DIP2A: variants seen among roughly 807,000 people sequenced by gnomAD.
The protein encoded by DIP2A is DIP2 acetate--CoA ligase A.
A neutral mutation model predicts 177.4 loss-of-function variants in DIP2A; 85 were observed. The ratio of observed to expected loss-of-function variants is 0.48; its 90% CI spans 0.40 to 0.57. The LOEUF is 0.57. Ranked by LOEUF, DIP2A falls within the 20% of genes least tolerant of loss-of-function variation. The pLI is 0.00. For missense variants in DIP2A, 1,791 were observed against 2,100.2 expected (o/e 0.85, Z 2.88); for synonymous variants, 886 against 881.8 (o/e 1.00, Z -0.08).
intron 3 of DIP2A, among the ~76,000 whole-genome samples, chr21:46,494,198 A>G (rs1432855654): frequency 6.6e-6 from 1 of 152,242 alleles, no homozygotes; most frequent in Non-Finnish European, 1.5e-5. Context: ...ATTTGGACCC[A>G]GGATTCAAAT....
At chr21:46,514,147 A>T (rs917830224) in intron 8 of DIP2A, among the ~76,000 whole-genome samples, 28 of 152,114 alleles carry the variant, frequency 1.8e-4, no homozygotes, top group African/African-American at 6.8e-4. Flanking sequence ...TAAAATGATG[A>T]CTTTGTGCTG....
intron 36 of DIP2A, among the ~76,000 whole-genome samples, chr21:46,566,291 T>C (rs1256737313): frequency 1.3e-5 from 2 of 152,190 alleles, no homozygotes; most frequent in African/African-American, 2.4e-5. Context: ...GTAGCTCCTA[T>C]AGATGGTGTC....
At chr21:46,514,170 C>G (rs1187974357) in intron 8 of DIP2A, among the ~76,000 whole-genome samples, 1 of 151,996 alleles carries the variant, frequency 6.6e-6, no homozygotes, top group Non-Finnish European at 1.5e-5. Context: ...CGCGGTGGCT[C>G]ACACCTGTAA....
chr21:46,490,491 G>T, intron 2 of DIP2A, 109 bp from the exon 3 acceptor site: 1 of 1,304,798 alleles, frequency 7.7e-7, no homozygotes, highest in South Asian at 1.5e-5. Context: ...AAGGCTCTTT[G>T]ATAGAGGGTA....
Position 46,495,041 on chromosome 21 carries a change from A to C in DIP2A, c.284-1947A>C, listed in dbSNP as rs544528214. 2.0e-5 allele frequency among the ~76,000 whole-genome samples: 3 copies of C among 152,288 alleles called. No homozygotes were observed. The East Asian group carries it at 5.8e-4, about 29-fold the overall frequency. ...GACATTTTCACTGTACAGAGGTAAG[A>C]CAGACTTTTAAAAGACAGGATACCA... On this transcript the variant is annotated intron_variant, in intron 3 of 37. Coordinates refer to ENST00000417564, the MANE Select transcript of DIP2A (RefSeq NM_015151.4).
rs145847946 is a variant in DIP2A at position 46,533,868 on chromosome 21, A to G, written c.1430-136A>G. 150 of 972,374 alleles carry G rather than the reference A, an allele frequency of 1.5e-4. 2 individuals are homozygous for G. The Middle Eastern group carries it at 3.2e-3, about 21-fold the overall frequency. 60.2% of individuals were successfully genotyped at this position (972,374 alleles called of 1,614,324 possible). ...CCGGATGTACCTTTTTAAATTATAT[A>G]AAATGAAATGAGACTAAAACTTGCA... On this transcript the variant is annotated intron_variant, in intron 11 of 37. Transcript: ENST00000417564.
chr21:46,554,987 G>T, intron 28 of DIP2A, 54 bp downstream of exon 28: 1 of 1,512,282 alleles, frequency 6.6e-7, no homozygotes, highest in South Asian at 1.2e-5. Flanking sequence ...TTTGTTGTAG[G>T]TGTGGTGTGG....
intron 3 of DIP2A, among the ~76,000 whole-genome samples, chr21:46,495,233 TC>T (rs778701774): frequency 0.033 from 2,389 of 71,352 alleles, 16 homozygotes; most frequent in African/African-American, 0.057. Flanking sequence ...TCTTCTCTTC[TC>T]TTCTCTTCTT....
At chr21:46,535,367 A>G (rs1480793069) in intron 13 of DIP2A, among the ~76,000 whole-genome samples, 2 of 152,186 alleles carry the variant, frequency 1.3e-5, no homozygotes, top group Admixed American at 6.5e-5. Flanking sequence ...TTACATTGTA[A>G]TACTAGAATT....
chr21:46,543,550 G>GGCATTCCCCCAGGCATGCACGCA (rs1555907307), intron 18 of DIP2A, among the ~76,000 whole-genome samples: 2 of 149,260 alleles, frequency 1.3e-5, no homozygotes, highest in Non-Finnish European at 3.0e-5. Context: ...CGCTCCCCCA[G>GGCATTCCCCCAGGCATGCACGCA]GCACTCCCCC....
intron 19 of DIP2A, 72 bp downstream of exon 19, chr21:46,545,345 G>A: frequency 2.6e-6 from 4 of 1,511,490 alleles, no homozygotes; most frequent in Non-Finnish European, 2.7e-6. Context: ...AGGTGTGCTG[G>A]GTGCTGGGGG....
chr21:46,516,507 T>TTTTTTGTTTTG, intron 8 of DIP2A, among the ~76,000 whole-genome samples: 1 of 141,446 alleles, frequency 7.1e-6, no homozygotes, highest in Non-Finnish European at 1.5e-5. Flanking sequence ...TTTTTTTTTT[T>TTTTTTGTTTTG]TTGAGATGGA....
rs559563030 is a variant in DIP2A, at chr21:46,537,629, A to T, written c.1801+90A>T. On this transcript the variant is annotated intron_variant, in intron 15 of 37. Transcript: ENST00000417564. This position sits in a 1 kb window ranked among gnomAD's most constrained non-coding sequence, Gnocchi z 4.1. ...GTGCTTAAGAAAAAATAAAGCTGACATGTGGAACTGCAGATGTAGGCTGAA... is the reference window on the plus strand; with the variant it reads ...GTGCTTAAGAAAAAATAAAGCTGACTTGTGGAACTGCAGATGTAGGCTGAA... The T allele has an allele frequency of 1.7e-3, 2,211 of 1,268,702 alleles. 7 individuals are homozygous for T. The highest frequency in any genetic ancestry group is 2.1e-3 in the Non-Finnish European group (1,851 of 884,754). The allele number at this position is 1,268,702 out of a possible 1,614,324, so 78.6% of individuals were successfully genotyped here.
Position 46,537,151 on chromosome 21 carries a change from A to G in DIP2A, c.1643-73A>G. Reference sequence around the variant, plus strand: ...CATGTTGATGACGTACTCACCTCAGAATTTCTCTAGAAAATGCATAGGGCT... The same window carrying G: ...CATGTTGATGACGTACTCACCTCAGGATTTCTCTAGAAAATGCATAGGGCT... On this transcript the variant is annotated intron_variant, in intron 13 of 37. Coordinates refer to ENST00000417564, the MANE Select transcript of DIP2A (RefSeq NM_015151.4). The surrounding 1 kb of genome is among the most constrained non-coding windows in gnomAD (Gnocchi z 4.1). 6.6e-7 allele frequency: 1 copy of G among 1,513,878 alleles called. No homozygotes were observed. Among genetic ancestry groups the G allele is most frequent in the Non-Finnish European group, 9.2e-7 (1 of 1,088,754 alleles). 93.8% of individuals were successfully genotyped at this position (1,513,878 alleles called of 1,614,324 possible).
At position 46,565,907 on chromosome 21, in the gene DIP2A, C is replaced by A. The variant is rs1338107170; in HGVS notation, c.4339+20C>A. ...GTGGAGGTGAGGGGTTGTGGTGAAG[C>A]CCTGCGTGAGTGCTGTGCGGGGAGG... On this transcript the variant is annotated intron_variant, in intron 36 of 37. Transcript: ENST00000417564. 1 of 1,613,030 alleles carries A rather than the reference C, an allele frequency of 6.2e-7. No homozygotes were observed.
At position 46,562,963 on chromosome 21, in the gene DIP2A, C is replaced by A. The variant is rs538419254; in HGVS notation, c.4090-895C>A. On this transcript the variant is annotated intron_variant, in intron 34 of 37. Transcript: ENST00000417564. ...CCTCCACGTCGCTCTTTTCCCTGCC[C>A]TGCCATGTACAGCCGCACTGTAATT... Among the ~76,000 whole-genome samples, 3 of 152,336 alleles carry A rather than the reference C, an allele frequency of 2.0e-5. No homozygotes were observed. The South Asian group carries it at 6.2e-4, about 32-fold the overall frequency.
Position 46,561,905 on chromosome 21 carries a change from A to C in DIP2A, c.4089+100A>C, listed in dbSNP as rs147253439. ...GCTGGGGGCTGCGGCTCTGATGAACACAGGTCGACTTCTGGTTGGGGTGGG... is the reference window on the plus strand; with the variant it reads ...GCTGGGGGCTGCGGCTCTGATGAACCCAGGTCGACTTCTGGTTGGGGTGGG... On this transcript the variant is annotated intron_variant, in intron 34 of 37. Coordinates refer to ENST00000417564, the MANE Select transcript of DIP2A (RefSeq NM_015151.4). 2,953 of 1,533,950 alleles carry C rather than the reference A, an allele frequency of 1.9e-3. 23 individuals are homozygous for C. Among genetic ancestry groups the C allele is most frequent in the African/African-American group, 0.015 (1,110 of 72,406 alleles).
intron 8 of DIP2A, among the ~76,000 whole-genome samples, chr21:46,516,677 T>C (rs1193423677): frequency 6.6e-6 from 1 of 151,730 alleles, no homozygotes; most frequent in Non-Finnish European, 1.5e-5. Flanking sequence ...GTGTTTTTAG[T>C]AGAGACAGGG....
intron 21 of DIP2A, among the ~76,000 whole-genome samples, chr21:46,547,682 T>A (rs1320898862): frequency 3.3e-4 from 42 of 127,690 alleles, no homozygotes; most frequent in Non-Finnish European, 5.0e-4. Context: ...TTTTTTTTTT[T>A]AAAGATAGGG....
Sources: gnomAD v4.1 joint callset for allele counts (sites outside exome capture counted in the v4.1 genomes callset) on GRCh38, gnomAD v4.1.1 for gene constraint, Gnocchi (gnomAD v3.1) non-coding constraint, MANE v1.5 for transcripts, NCBI Gene and HGNC (gene_info 2026-07-23, HGNC 2026-07-21) for gene names.